The following CFAP299 variants were observed in gnomAD, a reference collection of about 807,000 sequenced individuals.
CFAP299 encodes cilia and flagella associated protein 299.
Under a neutral mutation model 27.0 loss-of-function variants are expected in CFAP299, and 21 were observed. That is an observed-to-expected ratio of 0.78 (90% CI 0.55 to 1.12). The LOEUF is 1.12. Among genes scored for constraint, CFAP299 ranks in the 50% most tolerant of loss-of-function variants. The probability of loss-of-function intolerance (pLI) is 0.00; values close to 1 mark genes in which losing one functional copy is unlikely to be tolerated. For missense variants in CFAP299, 310 were observed against 276.6 expected (o/e 1.12, Z -0.86); for synonymous variants, 104 against 98.1 (o/e 1.06, Z -0.36).
chr4:80,330,257 A>C, the CFAP299 span, among the ~76,000 whole-genome samples: 2 of 151,916 alleles, frequency 1.3e-5, no homozygotes, highest in Non-Finnish European at 2.9e-5. Context: ...ATGTCTTCCT[A>C]CCTCCCCTCC....
chr4:80,807,447 A>G (rs1389192), intron 3 of CFAP299, among the ~76,000 whole-genome samples: 59,060 of 151,978 alleles, frequency 0.39, 15,481 homozygotes, highest in African/African-American at 0.75. Context: ...AGATTATCAC[A>G]AAAAGGTACC....
intron 2 of CFAP299, among the ~76,000 whole-genome samples, chr4:80,384,060 A>G (rs773474591): frequency 5.9e-5 from 9 of 152,124 alleles, no homozygotes; most frequent in Non-Finnish European, 8.8e-5. Flanking sequence ...TTTTACTTTC[A>G]TTCAAAATGT....
intron 2 of CFAP299, among the ~76,000 whole-genome samples, chr4:80,473,050 C>T (rs887552227): frequency 9.9e-5 from 15 of 152,030 alleles, no homozygotes; most frequent in Non-Finnish European, 1.8e-4. Flanking sequence ...CAGCTCCTTC[C>T]CTCAAGGGGC....
intron 2 of CFAP299, among the ~76,000 whole-genome samples, chr4:80,465,488 G>A (rs1227967088): frequency 6.6e-6 from 1 of 152,162 alleles, no homozygotes; most frequent in Admixed American, 6.5e-5. Context: ...CAGATCCCAG[G>A]AGCAACCTGC....
At chr4:80,503,061 G>A (rs1731819430) in intron 2 of CFAP299, among the ~76,000 whole-genome samples, 1 of 152,158 alleles carries the variant, frequency 6.6e-6, no homozygotes, top group African/African-American at 2.4e-5. Flanking sequence ...AGAGGCAGAA[G>A]AGCAAGCAAG....
At chr4:80,818,971 T>C (rs1026300795) in intron 3 of CFAP299, among the ~76,000 whole-genome samples, 3 of 152,118 alleles carry the variant, frequency 2.0e-5, no homozygotes, top group African/African-American at 4.8e-5. Flanking sequence ...AGTGTATGCA[T>C]GTAACTCAGA....
chr4:80,702,502 G>A (rs1362555059), intron 3 of CFAP299, among the ~76,000 whole-genome samples: 1 of 151,862 alleles, frequency 6.6e-6, no homozygotes, highest in Non-Finnish European at 1.5e-5. Context: ...TAATCTGCAT[G>A]TCTGTGGTGA....
At chr4:80,734,997 G>T (rs928618885) in intron 3 of CFAP299, among the ~76,000 whole-genome samples, 1 of 152,088 alleles carries the variant, frequency 6.6e-6, no homozygotes, top group Non-Finnish European at 1.5e-5. Flanking sequence ...AAATGTCACT[G>T]GTATTTTGAT....
At chr4:80,786,881 C>T (rs550979141) in intron 3 of CFAP299, among the ~76,000 whole-genome samples, 1 of 152,012 alleles carries the variant, frequency 6.6e-6, no homozygotes, top group Non-Finnish European at 1.5e-5. Flanking sequence ...CTCAGATTCT[C>T]CAGTAATTAA....
At chr4:80,702,162 T>C (rs1172385469) in intron 3 of CFAP299, among the ~76,000 whole-genome samples, 1 of 151,878 alleles carries the variant, frequency 6.6e-6, no homozygotes. Context: ...TCTCAGCTTT[T>C]TAACAACTAC....
At chr4:80,470,995 A>T (rs1269143025) in intron 2 of CFAP299, among the ~76,000 whole-genome samples, 1 of 152,218 alleles carries the variant, frequency 6.6e-6, no homozygotes, top group Non-Finnish European at 1.5e-5. Flanking sequence ...ATTACCAGGA[A>T]CTGTACTAAA....
chr4:80,876,861 T>C (rs1733406604), intron 4 of CFAP299, among the ~76,000 whole-genome samples: 1 of 152,166 alleles, frequency 6.6e-6, no homozygotes, highest in Non-Finnish European at 1.5e-5. Flanking sequence ...AATTTAGGAA[T>C]ATTTTTCAGA....
intron 2 of CFAP299, among the ~76,000 whole-genome samples, chr4:80,526,721 TAATA>T (rs1331209262): frequency 1.3e-5 from 2 of 152,130 alleles, no homozygotes; most frequent in East Asian, 3.8e-4. Context: ...TAATTAAAAT[TAATA>T]AATAAACATA....
intron 4 of CFAP299, among the ~76,000 whole-genome samples, chr4:80,914,142 A>C (rs1301576436): frequency 6.6e-6 from 1 of 152,210 alleles, no homozygotes; most frequent in Admixed American, 6.5e-5. Flanking sequence ...AATATTAATA[A>C]AGTGGGTATG....
intron 2 of CFAP299, chr4:80,387,620 C>A: frequency 7.4e-7 from 1 of 1,353,496 alleles, no homozygotes; most frequent in African/African-American, 1.4e-5. Flanking sequence ...ACAGTGCCAC[C>A]ACCGTGTCCT....
At chr4:80,864,546 GTATA>G (rs578121857) in intron 3 of CFAP299, among the ~76,000 whole-genome samples, 1 of 144,408 alleles carries the variant, frequency 6.9e-6, no homozygotes, top group African/African-American at 2.5e-5. Flanking sequence ...GTATATATAG[GTATA>G]TATATATAAT....
chr4:80,688,572 A>T (rs2110013141), intron 3 of CFAP299, among the ~76,000 whole-genome samples: 1 of 152,332 alleles, frequency 6.6e-6, no homozygotes, highest in Admixed American at 6.5e-5. Flanking sequence ...ACAAAAGTAG[A>T]TAAAACCACA....
chr4:80,899,655 A>G (rs1734787131), intron 4 of CFAP299, among the ~76,000 whole-genome samples: 1 of 152,324 alleles, frequency 6.6e-6, no homozygotes, highest in African/African-American at 2.4e-5. Flanking sequence ...TAGGGAATAA[A>G]AGAGAATGTA....
At chr4:80,416,887 G>A (rs1727038844) in intron 2 of CFAP299, among the ~76,000 whole-genome samples, 2 of 152,206 alleles carry the variant, frequency 1.3e-5, no homozygotes, top group South Asian at 4.1e-4. Flanking sequence ...CAGACTCCAA[G>A]AAGGGGTTCT....
Sources: gnomAD v4.1 joint callset for allele counts (sites outside exome capture counted in the v4.1 genomes callset) on GRCh38, gnomAD v4.1.1 for gene constraint, MANE v1.5 for transcripts, NCBI Gene and HGNC (gene_info 2026-07-23, HGNC 2026-07-21) for gene names.